The following PIK3C2G variants were observed in gnomAD, a reference collection of about 807,000 sequenced individuals.
PIK3C2G encodes the protein phosphatidylinositol-4-phosphate 3-kinase catalytic subunit type 2 gamma, also known as phosphatidylinositol 3-kinase C2 domain-containing subunit gamma.
Under a neutral mutation model 181.1 loss-of-function variants are expected in PIK3C2G, and 168 were observed. The observed-to-expected ratio is 0.93, with a 90% CI of 0.82 to 1.05. The LOEUF (loss-of-function observed/expected upper bound fraction) is 1.05, where lower values mean the gene tolerates loss of function less well. Ranked by LOEUF, PIK3C2G falls within the 50% of genes least tolerant of loss-of-function variation. The pLI, the probability that PIK3C2G is intolerant of heterozygous loss-of-function variation, is 0.00. For missense variants in PIK3C2G, 1,869 were observed against 1,732.8 expected, an observed-to-expected ratio of 1.08 and a Z score of -1.40; for synonymous variants, 573 against 592.2, an observed-to-expected ratio of 0.97 and a Z score of 0.47.
chr12:18,563,310 C>T (rs143463900), intron 27 of PIK3C2G, 67 bp from the exon 28 acceptor site: 24 of 1,407,924 alleles, frequency 1.7e-5, no homozygotes, highest in Non-Finnish European at 2.3e-5. Context: ...TACATAAAAT[C>T]GGGTTTTAGA....
At chr12:18,545,795 T>C (rs1944391404) in intron 25 of PIK3C2G, among the ~76,000 whole-genome samples, 1 of 151,974 alleles carries the variant, frequency 6.6e-6, no homozygotes, top group South Asian at 2.1e-4. Flanking sequence ...TTATACTCTA[T>C]GTTTGCACAT....
intron 31 of PIK3C2G, among the ~76,000 whole-genome samples, chr12:18,617,417 G>A (rs1025025341): frequency 3.9e-5 from 6 of 152,080 alleles, no homozygotes; most frequent in African/African-American, 1.4e-4. Flanking sequence ...CCTATACCAT[G>A]TATGCCAAGA....
At chr12:18,448,282 TG>T (rs1336363927) in intron 18 of PIK3C2G, among the ~76,000 whole-genome samples, 1 of 152,166 alleles carries the variant, frequency 6.6e-6, no homozygotes, top group Non-Finnish European at 1.5e-5. Context: ...CATTTCTGTT[TG>T]TTTTTATTTT....
chr12:18,422,868 G>A (rs759438506), intron 17 of PIK3C2G, among the ~76,000 whole-genome samples: 10 of 152,092 alleles, frequency 6.6e-5, no homozygotes, highest in South Asian at 2.1e-4. Flanking sequence ...GCAGTAGCAC[G>A]TGAATGATAG....
chr12:18,445,021 A>G (rs1946949265), intron 18 of PIK3C2G, among the ~76,000 whole-genome samples: 1 of 152,112 alleles, frequency 6.6e-6, no homozygotes. Flanking sequence ...TTTTCAAAAA[A>G]TTTTAAATCA....
At chr12:18,715,879 G>A in the PIK3C2G span, 1 of 152,112 alleles carries the variant, frequency 6.6e-6, no homozygotes. Flanking sequence ...GCACTATAAT[G>A]TAAAACTTCA....
At chr12:18,658,892 T>A in the PIK3C2G span, among the ~76,000 whole-genome samples, 1 of 152,186 alleles carries the variant, frequency 6.6e-6, no homozygotes, top group Non-Finnish European at 1.5e-5. Context: ...ATGAAACCTG[T>A]AAAAATGAGA....
chr12:18,720,043 C>T, the PIK3C2G span, among the ~76,000 whole-genome samples: 8 of 152,042 alleles, frequency 5.3e-5, no homozygotes, highest in African/African-American at 1.9e-4. Flanking sequence ...ATCAACTGAT[C>T]TGACTTCGAA....
intron 18 of PIK3C2G, among the ~76,000 whole-genome samples, chr12:18,469,303 T>C (rs1938220728): frequency 6.6e-6 from 1 of 152,106 alleles, no homozygotes; most frequent in Admixed American, 6.6e-5. Flanking sequence ...GCTTCTTTGA[T>C]TTCAGTGCAA....
chr12:18,418,046 T>C (rs1465020895), intron 16 of PIK3C2G, among the ~76,000 whole-genome samples: 2 of 152,360 alleles, frequency 1.3e-5, no homozygotes, highest in East Asian at 3.9e-4. Flanking sequence ...TCATGATCAA[T>C]GCATTTTTAT....
the PIK3C2G span, chr12:18,683,701 C>T: frequency 9.1e-7 from 1 of 1,097,172 alleles, no homozygotes; most frequent in Non-Finnish European, 1.2e-6. Context: ...GGAAAGGTGA[C>T]TCTGCAACAT....
chr12:18,615,251 A>G (rs536163373), intron 31 of PIK3C2G, among the ~76,000 whole-genome samples: 2 of 151,966 alleles, frequency 1.3e-5, no homozygotes, highest in South Asian at 4.1e-4. Context: ...GCTTCACTTA[A>G]AATAATGATC....
chr12:18,521,403 G>A (rs943528620), intron 24 of PIK3C2G, among the ~76,000 whole-genome samples: 26 of 152,202 alleles, frequency 1.7e-4, no homozygotes, highest in Admixed American at 2.6e-4. Flanking sequence ...CCTCTTAGGG[G>A]CTCAGGCCCA....
intron 24 of PIK3C2G, among the ~76,000 whole-genome samples, chr12:18,509,290 C>T (rs1244280028): frequency 6.6e-6 from 1 of 152,120 alleles, no homozygotes; most frequent in African/African-American, 2.4e-5. Context: ...TCAGGCAATT[C>T]GCCCGCCTCG....
At chr12:18,616,788 A>G (rs776658985) in intron 31 of PIK3C2G, among the ~76,000 whole-genome samples, 1 of 152,142 alleles carries the variant, frequency 6.6e-6, no homozygotes, top group African/African-American at 2.4e-5. Flanking sequence ...GTACATACCT[A>G]AAGAGAATAG....
the PIK3C2G span, among the ~76,000 whole-genome samples, chr12:18,691,547 A>G: frequency 6.6e-6 from 1 of 152,158 alleles, no homozygotes; most frequent in African/African-American, 2.4e-5. Context: ...GCCACAAGTA[A>G]AAATGACAAT....
downstream of PIK3C2G, among the ~76,000 whole-genome samples, chr12:18,653,054 C>G (rs540376274): frequency 3.3e-5 from 5 of 152,014 alleles, no homozygotes; most frequent in African/African-American, 1.2e-4. Flanking sequence ...CTTAAAGTCT[C>G]CTCGAAACTT....
At chr12:18,285,927 TCAATTGTTGTCTACAAGGGACA>T (rs1949425330) in intron 2 of PIK3C2G, among the ~76,000 whole-genome samples, 1 of 151,732 alleles carries the variant, frequency 6.6e-6, no homozygotes, top group Admixed American at 6.6e-5. Context: ...AAGGAAGGAC[TCAATTGTTGTCTACAAGGGACA>T]CAAGAAACAA....
intron 18 of PIK3C2G, among the ~76,000 whole-genome samples, chr12:18,427,464 G>A (rs1945892110): frequency 7.0e-6 from 1 of 143,056 alleles, no homozygotes; most frequent in African/African-American, 2.6e-5. Flanking sequence ...TCGCGCCATT[G>A]CACTCCAGCC....
Sources: allele counts gnomAD v4.1 joint callset (sites outside exome capture counted in the v4.1 genomes callset), GRCh38; gene constraint gnomAD v4.1.1; transcripts MANE v1.5; gene names NCBI Gene and HGNC (gene_info 2026-07-23, HGNC 2026-07-21).